The following SPHKAP variants were observed in gnomAD, a reference collection of about 807,000 sequenced individuals.
The protein encoded by SPHKAP is A-kinase anchor protein SPHKAP.
In SPHKAP, 67 loss-of-function variants were observed where a neutral mutation model predicts 137.5. The ratio of observed to expected loss-of-function variants is 0.49; its 90% CI spans 0.40 to 0.60. The LOEUF is 0.60. Ranked by LOEUF, SPHKAP falls within the 20% of genes least tolerant of loss-of-function variation. The probability of loss-of-function intolerance (pLI) is 0.00; values close to 1 mark genes in which losing one functional copy is unlikely to be tolerated. For synonymous variants in SPHKAP, 813 were observed against 785.3 expected (o/e 1.04, Z -0.59); for missense variants, 2,097 against 2,069.3 (o/e 1.01, Z -0.26).
chr2:228,019,671 A>G lies in SPHKAP; in HGVS notation c.1183T>C (p.Leu395=). 1 of 1,614,180 alleles carries G rather than the reference A, an allele frequency of 6.2e-7. No individual in the cohort carries two copies. The highest frequency in any genetic ancestry group is 8.5e-7 in the Non-Finnish European group (1 of 1,180,012). Residue 395 remains leucine, a synonymous_variant, in exon 7 of 12, where the codon TTA becomes CTA. Transcript: ENST00000392056. ...EVTTGKYATN[L]AESVLQDAFI... ...GCATCCTGCAGCACGGATTCTGCTAAATTTGTAGCATACTTGCCAGTGGTG... is the reference window on the plus strand; with the variant it reads ...GCATCCTGCAGCACGGATTCTGCTAGATTTGTAGCATACTTGCCAGTGGTG...
At chr2:228,159,191 T>C (rs62201116) in intron 1 of SPHKAP, among the ~76,000 whole-genome samples, 14,894 of 152,140 alleles carry the variant, frequency 0.098, 987 homozygotes, top group Non-Finnish European at 0.14. Flanking sequence ...AAGGCAAAAA[T>C]TGTACCAAAG....
intron 1 of SPHKAP, among the ~76,000 whole-genome samples, chr2:228,136,355 C>A (rs1699440544): frequency 6.6e-6 from 1 of 152,106 alleles, no homozygotes; most frequent in South Asian, 2.1e-4. Context: ...AGGCACAAAA[C>A]CAAATTTGAA....
chr2:228,066,714 C>A (rs1306173499), intron 3 of SPHKAP, among the ~76,000 whole-genome samples: 1 of 152,138 alleles, frequency 6.6e-6, no homozygotes, highest in Non-Finnish European at 1.5e-5. Flanking sequence ...AGTTTCCATG[C>A]AAAAGGGAAC....
intron 1 of SPHKAP, among the ~76,000 whole-genome samples, chr2:228,153,933 A>G (rs1251666556): frequency 6.6e-6 from 1 of 152,168 alleles, no homozygotes; most frequent in Non-Finnish European, 1.5e-5. Flanking sequence ...ACTAAATTAG[A>G]CAGAACTGGC....
Position 228,018,151 on chromosome 2 carries a change from C to A in SPHKAP, c.2703G>T (p.Leu901=), listed in dbSNP as rs145671769. ...TSRINEVQVN[L]SLLGDDLLLP... is the part of the protein sequence containing the mutation. ...GCAGCAGGTCATCCCCTAACAAGGA[C>A]AGGTTGACTTGAACTTCGTTGATGC... is the stretch of plus-strand genomic sequence containing the variant. Residue 901 remains leucine, a synonymous_variant, in exon 7 of 12, where the codon CTG becomes CTT. Coordinates refer to ENST00000392056, the MANE Select transcript of SPHKAP (RefSeq NM_001142644.2). The A allele has an allele frequency of 2.5e-6, 4 of 1,614,180 alleles. No homozygotes were observed. The highest frequency in any genetic ancestry group is 3.4e-6 in the Non-Finnish European group (4 of 1,180,034).
chr2:228,064,392 A>G (rs1447371204), intron 3 of SPHKAP, among the ~76,000 whole-genome samples: 1 of 152,254 alleles, frequency 6.6e-6, no homozygotes, highest in Non-Finnish European at 1.5e-5. Flanking sequence ...TTAGTGACGT[A>G]TAATGTAGCC....
intron 2 of SPHKAP, among the ~76,000 whole-genome samples, chr2:228,111,128 G>C (rs1227616725): frequency 6.6e-6 from 1 of 152,030 alleles, no homozygotes; most frequent in Non-Finnish European, 1.5e-5. Context: ...GCAGAAAAAG[G>C]CTCTAAATCC....
intron 5 of SPHKAP, 179 bp from the exon 6 acceptor site, chr2:228,022,145 G>T: frequency 1.0e-6 from 1 of 984,558 alleles, no homozygotes; most frequent in Non-Finnish European, 1.2e-6. Context: ...GTGATGTTTG[G>T]AACACAAGGT....
intron 3 of SPHKAP, among the ~76,000 whole-genome samples, chr2:228,078,491 C>T (rs1272856364): frequency 3.3e-5 from 5 of 149,348 alleles, no homozygotes; most frequent in Non-Finnish European, 7.4e-5. Context: ...GTGTAGGAGT[C>T]GTAGACAATA....
intron 7 of SPHKAP, among the ~76,000 whole-genome samples, chr2:228,003,623 G>A (rs1455943420): frequency 6.6e-6 from 1 of 152,156 alleles, no homozygotes; most frequent in Non-Finnish European, 1.5e-5. Context: ...GTGAGAAAGG[G>A]CATCCCTGTC....
chr2:228,148,265 A>C (rs929839701), intron 1 of SPHKAP, among the ~76,000 whole-genome samples: 1 of 152,104 alleles, frequency 6.6e-6, no homozygotes, highest in Non-Finnish European at 1.5e-5. Context: ...CCCCAAACAC[A>C]CTGCCAGTCC....
At position 228,017,671 on chromosome 2, in the gene SPHKAP, C is replaced by T. The variant is rs201048288; in HGVS notation, c.3183G>A (p.Ala1061=). The T allele has an allele frequency of 4.1e-5, 66 of 1,613,866 alleles. No homozygotes were observed. In the South Asian group the frequency reaches 4.9e-4, roughly 12 times the overall value. ...GTAACCGATTCCGGGGATAGCCCTG[C>T]GCCTGCCACATGCCGTCCACCATAG... The part of the protein sequence containing the change: ...EFSMVDGMWQ[A]QGYPRNRLLS... The change falls in exon 7 of 12, where the codon GCG becomes GCA. Residue 1061 remains alanine (A), a synonymous_variant. Transcript: ENST00000392056.
intron 3 of SPHKAP, among the ~76,000 whole-genome samples, chr2:228,108,342 A>G (rs769573068): frequency 2.6e-5 from 4 of 152,174 alleles, no homozygotes; most frequent in Non-Finnish European, 4.4e-5. Flanking sequence ...TTTGTATGTA[A>G]GGCTCAGCGT....
At chr2:228,089,394 C>T (rs1697647038) in intron 3 of SPHKAP, among the ~76,000 whole-genome samples, 1 of 152,142 alleles carries the variant, frequency 6.6e-6, no homozygotes, top group Admixed American at 6.5e-5. Context: ...CAGTTAGATG[C>T]AGGGGCAAAG....
At chr2:228,097,647 T>C (rs1698027470) in intron 3 of SPHKAP, among the ~76,000 whole-genome samples, 1 of 152,186 alleles carries the variant, frequency 6.6e-6, no homozygotes, top group African/African-American at 2.4e-5. Context: ...GTTTTCCATC[T>C]CTTGCCTCTT....
intron 3 of SPHKAP, among the ~76,000 whole-genome samples, chr2:228,036,976 A>G (rs533616728): frequency 6.6e-6 from 1 of 152,252 alleles, no homozygotes; most frequent in South Asian, 2.1e-4. Context: ...TGGCACCTGT[A>G]TACATATGTA....
chr2:228,127,284 T>C (rs2106369946), intron 2 of SPHKAP, among the ~76,000 whole-genome samples: 1 of 152,332 alleles, frequency 6.6e-6, no homozygotes, highest in South Asian at 2.1e-4. Flanking sequence ...AACAAGATTG[T>C]AAAGAATTAG....
At position 228,019,378 on chromosome 2, in the gene SPHKAP, G is replaced by A. The variant is rs267599239; in HGVS notation, c.1476C>T (p.Pro492=). 1 of 1,614,134 alleles carries A rather than the reference G, an allele frequency of 6.2e-7. No individual in the cohort carries two copies. The highest frequency in any genetic ancestry group is 1.1e-5 in the South Asian group (1 of 91,076). ...CTAACGCCACTTCTAGAGCACTCTG[G>A]GGTTGTCTGCTGGAGTTCTCTCCAG... is the stretch of plus-strand genomic sequence containing the variant. ...ILSGENSSRQ[P]QSALEVALAC... is the part of the protein sequence containing the mutation. The change falls in exon 7 of 12, where the codon CCC becomes CCT. Residue 492 remains proline (P), a synonymous_variant. Coordinates refer to ENST00000392056, the MANE Select transcript of SPHKAP (RefSeq NM_001142644.2).
In SPHKAP at chr2:228,089,112, C is replaced by G. The variant is rs142545867; in HGVS notation, c.246+19720G>C. On this transcript the variant is annotated intron_variant, in intron 3 of 11. Transcript: ENST00000392056. ...TTTGGAAAGTTTGCAAGTTCTTAGA[C>G]AATTGTTGAGTGGTTGTGACCAAAA... Among the ~76,000 whole-genome samples the G allele has an allele frequency of 6.2e-3, 944 of 152,274 alleles. 15 individuals are homozygous for G. Among genetic ancestry groups the G allele is most frequent in the African/African-American group, 0.021 (886 of 41,552 alleles).
Sources: allele counts gnomAD v4.1 joint callset (sites outside exome capture counted in the v4.1 genomes callset), GRCh38; gene constraint gnomAD v4.1.1; transcripts MANE v1.5; gene names NCBI Gene and HGNC (gene_info 2026-07-23, HGNC 2026-07-21).